AFF4: variants seen among roughly 807,000 people sequenced by gnomAD.
AFF4 encodes AF4/FMR2 family member 4.
AFF4 carries 13 observed loss-of-function variants against 124.8 expected under a neutral mutation model. The ratio of observed to expected loss-of-function variants is 0.10; its 90% CI spans 0.07 to 0.17. The LOEUF is 0.17. AFF4 is among the 10% of genes least tolerant of loss of function. AFF4 has a pLI of 1.00. For missense variants in AFF4, 1,092 were observed against 1,403.8 expected (o/e 0.78, Z 3.55); for synonymous variants, 477 against 496.1 (o/e 0.96, Z 0.51).
At chr5:132,885,911 C>T (rs1175903058) in intron 18 of AFF4, among the ~76,000 whole-genome samples, 1 of 151,978 alleles carries the variant, frequency 6.6e-6, no homozygotes, top group East Asian at 1.9e-4. Context: ...GTAGCTGGGA[C>T]TACAGGCGTG....
chr5:132,933,760 C>A (rs903554546), intron 3 of AFF4, among the ~76,000 whole-genome samples: 2 of 152,136 alleles, frequency 1.3e-5, no homozygotes, highest in Non-Finnish European at 2.9e-5. Flanking sequence ...TAAACCATCA[C>A]CTGCATCTCA....
rs375891983 is a variant in AFF4, at chr5:132,908,776, A to ATATAT, written c.1051-4373_1051-4372insATATA. 1.5e-3 allele frequency among the ~76,000 whole-genome samples: 176 copies of ATATAT among 114,890 alleles called. 1 individual carries two copies. The highest frequency in any genetic ancestry group is 4.9e-3 in the African/African-American group (163 of 33,208). The allele number at this position is 114,890 out of a possible 152,430, so 75.4% of individuals were successfully genotyped here. A position where few individuals can be genotyped will look rare whatever the true frequency, so the allele number is the denominator to read the frequency against. On this transcript the variant is annotated intron_variant, in intron 5 of 20. Transcript: ENST00000265343. ...TATATACATATATATATATATATAT[A>ATATAT]TTTTTTTTTTTTGAGACGGAATCTA...
chr5:132,955,241 G>C (rs2150113092), intron 1 of AFF4, among the ~76,000 whole-genome samples: 1 of 152,248 alleles, frequency 6.6e-6, no homozygotes, highest in South Asian at 2.1e-4. Context: ...TGGGTACAGG[G>C]TGGAGGGGCG....
At chr5:132,942,238 T>C (rs1357387353) in intron 1 of AFF4, among the ~76,000 whole-genome samples, 1 of 152,116 alleles carries the variant, frequency 6.6e-6, no homozygotes, top group Non-Finnish European at 1.5e-5. Flanking sequence ...TTTTAATAAT[T>C]TGCTGGAGAA....
chr5:132,926,067 A>G (rs1761163282), intron 5 of AFF4, among the ~76,000 whole-genome samples: 1 of 152,256 alleles, frequency 6.6e-6, no homozygotes. Flanking sequence ...AAATACCTCT[A>G]CATGCAGTAA....
intron 1 of AFF4, among the ~76,000 whole-genome samples, chr5:132,950,257 C>T (rs1761809989): frequency 6.6e-6 from 1 of 152,112 alleles, no homozygotes; most frequent in Non-Finnish European, 1.5e-5. Context: ...AGACAGATCA[C>T]CTGAGGTTGG....
intron 5 of AFF4, among the ~76,000 whole-genome samples, chr5:132,922,214 T>A (rs966747685): frequency 6.6e-6 from 1 of 151,780 alleles, no homozygotes; most frequent in African/African-American, 2.4e-5. Context: ...GCCCAGGAGT[T>A]CAAGAGCAGC....
chr5:132,925,250 T>C (rs1042221622), intron 5 of AFF4, among the ~76,000 whole-genome samples: 1 of 151,774 alleles, frequency 6.6e-6, no homozygotes, highest in East Asian at 1.9e-4. Flanking sequence ...ATATAAAAGG[T>C]AAGAGTGATA....
Position 132,934,571 on chromosome 5 carries a change from T to C in AFF4, c.494A>G (p.Lys165Arg). The change falls in exon 3 of 21, where the codon AAA becomes AGA. Residue 165 changes from lysine (K) to arginine (R), a missense_variant. Physicochemically the swap from Lys to Arg is conservative, Grantham distance 26. Around this residue, in one of 11 missense-constraint regions of AFF4, gnomAD observed 188 missense variants for 203.0 expected, o/e 0.93. Transcript: ENST00000265343. ...SYNNSGSSSR[K>R]KGQHGSEHSK... ...GTGTTCTGATCCATGCTGGCCTTTT[T>C]TCCGGCTACTGCTCCCACTATTGTT... The C allele has an allele frequency of 6.2e-7, 1 of 1,614,160 alleles. No homozygotes were observed. Among genetic ancestry groups the C allele is most frequent in the South Asian group, 1.1e-5 (1 of 91,068 alleles).
intron 1 of AFF4, among the ~76,000 whole-genome samples, chr5:132,949,950 G>A (rs1761799204): frequency 6.6e-6 from 1 of 152,136 alleles, no homozygotes; most frequent in South Asian, 2.1e-4. Flanking sequence ...TGGAGCCCAG[G>A]AGTTTGAGGC....
At position 132,883,337 on chromosome 5, in the gene AFF4, T is replaced by A. The variant is rs1312384538; in HGVS notation, c.3364+3A>T. On this transcript the variant is annotated splice_donor_region_variant and intron_variant, in intron 20 of 20. Coordinates refer to ENST00000265343, the MANE Select transcript of AFF4 (RefSeq NM_014423.4). ...CTTGAAGTTTATCCAGAAACCTACC[T>A]ACCTTTTTGCTCTTTGGAAAGCTGT... 6.2e-7 allele frequency: 1 copy of A among 1,613,542 alleles called. No individual in the cohort carries two copies. The highest frequency in any genetic ancestry group is 1.3e-5 in the African/African-American group (1 of 74,944).
intron 2 of AFF4, among the ~76,000 whole-genome samples, chr5:132,936,831 G>A (rs962816227): frequency 2.4e-4 from 37 of 152,158 alleles, no homozygotes; most frequent in Non-Finnish European, 1.0e-4. Context: ...TGAAGCTGTT[G>A]ATGCTGTGAA....
At chr5:132,919,007 A>G (rs191805880) in intron 5 of AFF4, among the ~76,000 whole-genome samples, 78 of 151,846 alleles carry the variant, frequency 5.1e-4, no homozygotes, top group Admixed American at 4.3e-3. Flanking sequence ...CAGCCTCCTG[A>G]GTAGCTGGGA....
chr5:132,912,448 C>T (rs911883789), intron 5 of AFF4, among the ~76,000 whole-genome samples: 7 of 152,088 alleles, frequency 4.6e-5, no homozygotes, highest in African/African-American at 1.4e-4. Flanking sequence ...GCAGCCAAGA[C>T]CTCCGGGGCT....
At position 132,898,234 on chromosome 5, in the gene AFF4, G is replaced by A. The variant is rs776006881; in HGVS notation, c.1385C>T (p.Pro462Leu). Residue 462 changes from proline to leucine, a missense_variant, in exon 10 of 21, where the codon CCC becomes CTC. Pro to Leu is a moderately conservative substitution (Grantham distance 98). This residue lies in a region of AFF4 where 18 missense variants were observed against 16.7 expected (regional missense o/e 1.08). Coordinates refer to ENST00000265343, the MANE Select transcript of AFF4 (RefSeq NM_014423.4). ...EANEPSQSAS[P>L]EPEPPPTNKW... The stretch of plus-strand genomic sequence containing the variant: ...ACCCCACCGCCTCTGTCTCACCTCG[G>A]GAGATGCACTCTGGGATGGCTCATT... The A allele has an allele frequency of 2.5e-6, 4 of 1,613,972 alleles. No homozygotes were observed. The South Asian group carries it at 4.4e-5, about 18-fold the overall frequency.
intron 5 of AFF4, among the ~76,000 whole-genome samples, chr5:132,913,955 C>T (rs537174178): frequency 2.6e-5 from 4 of 152,260 alleles, no homozygotes; most frequent in East Asian, 1.9e-4. Context: ...AGGCCAGACA[C>T]GGAGGCTCAC....
In AFF4 at chr5:132,878,530, G is replaced by A. The variant is rs905931616; in HGVS notation, c.*2529C>T. The stretch of plus-strand genomic sequence containing the variant: ...GTCCAAAGTATGTGCTGGAGCAGAT[G>A]ATGACAAAGACAGAACATCTAAGAA... On this transcript the variant is annotated 3_prime_UTR_variant, in exon 21 of 21. Transcript: ENST00000265343. 5 of 232,238 alleles carry A rather than the reference G, an allele frequency of 2.2e-5. No individual in the cohort carries two copies. The highest frequency in any genetic ancestry group is 3.4e-5 in the Non-Finnish European group (4 of 117,148). The allele number at this position is 232,238 out of a possible 1,614,324, so 14.4% of individuals were successfully genotyped here.
chr5:132,913,986 G>A (rs1760852338), intron 5 of AFF4, among the ~76,000 whole-genome samples: 1 of 152,158 alleles, frequency 6.6e-6, no homozygotes, highest in South Asian at 2.1e-4. Flanking sequence ...CCAGCACTTT[G>A]GGACACCGAG....
Position 132,934,646 on chromosome 5 carries a change from C to G in AFF4, c.419G>C (p.Ser140Thr), listed in dbSNP as rs757257135. ...GHSSQRTSAG[S>T]SSGTNSSGQR... ...ACCACTACTGTTAGTGCCACTACTGCTACCTGCGCTGGTCCGCTGGCTACT... is the reference window on the plus strand; with the variant it reads ...ACCACTACTGTTAGTGCCACTACTGGTACCTGCGCTGGTCCGCTGGCTACT... The change falls in exon 3 of 21, where the codon AGC becomes ACC. Residue 140 changes from serine (S) to threonine (T), a missense_variant. Physicochemically the swap from Ser to Thr is moderately conservative, Grantham distance 58. Around this residue, in one of 11 missense-constraint regions of AFF4, gnomAD observed 188 missense variants for 203.0 expected, o/e 0.93. Transcript: ENST00000265343. 1.2e-6 allele frequency: 2 copies of G among 1,614,152 alleles called. No homozygotes were observed. The highest frequency in any genetic ancestry group is 2.2e-5 in the South Asian group (2 of 91,078).
Sources: allele counts gnomAD v4.1 joint callset (sites outside exome capture counted in the v4.1 genomes callset), GRCh38; gene constraint gnomAD v4.1.1; regional missense constraint gnomAD v4.1.1; transcripts MANE v1.5; gene names NCBI Gene and HGNC (gene_info 2026-07-23, HGNC 2026-07-21).